The following PDE4B variants were observed in gnomAD, a reference collection of about 807,000 sequenced individuals.
PDE4B encodes phosphodiesterase 4B, also known as 3',5'-cyclic-AMP phosphodiesterase 4B.
In PDE4B, 20 loss-of-function variants were observed where a neutral mutation model predicts 82.2. The ratio of observed to expected loss-of-function variants is 0.24; its 90% CI spans 0.17 to 0.35. The LOEUF (loss-of-function observed/expected upper bound fraction) is 0.35, where lower values mean the gene tolerates loss of function less well. Ranked by LOEUF, PDE4B falls within the 10% of genes least tolerant of loss-of-function variation. PDE4B has a pLI of 1.00. For missense variants in PDE4B, 655 were observed against 907.2 expected (o/e 0.72, Z 3.57); for synonymous variants, 320 against 318.9 (o/e 1.00, Z -0.04).
At chr1:65,925,210 A>G (rs1013266885) in intron 3 of PDE4B, among the ~76,000 whole-genome samples, 2 of 152,232 alleles carry the variant, frequency 1.3e-5, no homozygotes, top group Non-Finnish European at 2.9e-5. Context: ...TATTAAGAAA[A>G]ATAGCTAATG....
intron 1 of PDE4B, 90 bp from the exon 2 acceptor site, chr1:65,913,155 A>G (rs1031592050): frequency 1.0e-5 from 6 of 581,608 alleles, no homozygotes; most frequent in African/African-American, 3.8e-5. Context: ...TACATTGTAC[A>G]TATTTCAAAT....
intron 7 of PDE4B, among the ~76,000 whole-genome samples, chr1:66,314,793 C>A (rs565434331): frequency 3.9e-5 from 6 of 152,290 alleles, no homozygotes; most frequent in African/African-American, 7.2e-5. Context: ...CATGCCATTC[C>A]GCGTATGGTT....
intron 1 of PDE4B, among the ~76,000 whole-genome samples, chr1:65,897,549 A>G (rs1055186994): frequency 1.3e-5 from 2 of 151,650 alleles, no homozygotes; most frequent in African/African-American, 4.8e-5. Context: ...ATTTTTCCCA[A>G]TGCTTAGCTC....
intron 4 of PDE4B, among the ~76,000 whole-genome samples, chr1:66,254,763 T>G (rs1000714489): frequency 1.3e-5 from 2 of 152,212 alleles, no homozygotes; most frequent in African/African-American, 2.4e-5. Flanking sequence ...CCTTATCCAA[T>G]TAAATGTCAA....
At chr1:66,073,666 T>C (rs1656275212) in intron 3 of PDE4B, among the ~76,000 whole-genome samples, 2 of 152,112 alleles carry the variant, frequency 1.3e-5, no homozygotes, top group African/African-American at 4.8e-5. Flanking sequence ...ACAAATCCGA[T>C]AGTAAACCAG....
intron 1 of PDE4B, among the ~76,000 whole-genome samples, chr1:65,814,326 G>C (rs924081754): frequency 1.3e-5 from 2 of 152,276 alleles, no homozygotes. Context: ...AGATGCTGTA[G>C]AGAATATGTG....
chr1:65,899,820 A>G (rs1490496742), intron 1 of PDE4B, among the ~76,000 whole-genome samples: 2 of 151,936 alleles, frequency 1.3e-5, no homozygotes, highest in African/African-American at 4.8e-5. Flanking sequence ...CATAAGCGGG[A>G]GCTAAGCTAT....
chr1:65,933,592 G>A (rs1647960520), intron 3 of PDE4B, among the ~76,000 whole-genome samples: 1 of 152,040 alleles, frequency 6.6e-6, no homozygotes, highest in South Asian at 2.1e-4. Context: ...TACTTGGGAG[G>A]CTGAGGCAGA....
intron 3 of PDE4B, among the ~76,000 whole-genome samples, chr1:66,208,607 C>T (rs1479989175): frequency 6.6e-6 from 1 of 152,116 alleles, no homozygotes; most frequent in Non-Finnish European, 1.5e-5. Flanking sequence ...ACATAGTAAG[C>T]TTATTGTTAT....
intron 4 of PDE4B, among the ~76,000 whole-genome samples, chr1:66,248,403 C>T (rs1207095697): frequency 3.9e-5 from 6 of 152,160 alleles, no homozygotes; most frequent in African/African-American, 1.2e-4. Flanking sequence ...ATCAGTAGCT[C>T]CCTAAGGTCT....
chr1:66,135,254 G>A (rs1318955636), intron 3 of PDE4B, among the ~76,000 whole-genome samples: 1 of 152,232 alleles, frequency 6.6e-6, no homozygotes, highest in African/African-American at 2.4e-5. Context: ...TTACTTTGAT[G>A]AAGAACTCAG....
intron 3 of PDE4B, among the ~76,000 whole-genome samples, chr1:66,022,738 T>A (rs925861969): frequency 1.3e-5 from 2 of 152,230 alleles, no homozygotes; most frequent in East Asian, 3.8e-4. Flanking sequence ...TTTGCATCGA[T>A]GTTCATCAGG....
At chr1:65,967,676 A>T (rs1214546219) in intron 3 of PDE4B, among the ~76,000 whole-genome samples, 1 of 152,194 alleles carries the variant, frequency 6.6e-6, no homozygotes, top group Non-Finnish European at 1.5e-5. Flanking sequence ...ACACCATGGA[A>T]TACTACGCAG....
At chr1:66,080,694 C>T (rs1313414024) in intron 3 of PDE4B, among the ~76,000 whole-genome samples, 1 of 152,074 alleles carries the variant, frequency 6.6e-6, no homozygotes, top group East Asian at 1.9e-4. Flanking sequence ...CTTCTTATCG[C>T]TTATTAGAGT....
intron 3 of PDE4B, among the ~76,000 whole-genome samples, chr1:66,121,591 A>G (rs1050472582): frequency 1.3e-5 from 2 of 152,132 alleles, no homozygotes; most frequent in African/African-American, 4.8e-5. Flanking sequence ...CAAAAGGAAA[A>G]TGGCCATTTA....
At chr1:65,794,215 G>C (rs1299465643) in intron 1 of PDE4B, among the ~76,000 whole-genome samples, 1 of 152,118 alleles carries the variant, frequency 6.6e-6, no homozygotes, top group East Asian at 1.9e-4. Flanking sequence ...TTAGATCTGA[G>C]ATATAACTGT....
intron 8 of PDE4B, among the ~76,000 whole-genome samples, chr1:66,336,282 G>C (rs1032409020): frequency 6.6e-6 from 1 of 152,152 alleles, no homozygotes; most frequent in Non-Finnish European, 1.5e-5. Flanking sequence ...CAGTGGCTGA[G>C]GAAGGACCAA....
At chr1:66,266,658 C>T (rs1446268967) in intron 7 of PDE4B, 2 of 516,972 alleles carry the variant, frequency 3.9e-6, no homozygotes, top group Admixed American at 4.1e-5. Context: ...AGAACCTAAC[C>T]TCTCATCTTT....
intron 7 of PDE4B, among the ~76,000 whole-genome samples, chr1:66,280,703 C>T (rs1570615176): frequency 6.6e-6 from 1 of 152,280 alleles, no homozygotes; most frequent in East Asian, 1.9e-4. Flanking sequence ...TTCCTCCAGC[C>T]TCTTTGCAGA....
Sources: gnomAD v4.1 joint callset for allele counts (sites outside exome capture counted in the v4.1 genomes callset) on GRCh38, gnomAD v4.1.1 for gene constraint, MANE v1.5 for transcripts, NCBI Gene and HGNC (gene_info 2026-07-23, HGNC 2026-07-21) for gene names.